Variants in DLEC1 observed in about 807,000 individuals in gnomAD.
DLEC1 encodes deleted in lung and esophageal cancer protein 1.
DLEC1 carries 146 observed loss-of-function variants against 198.1 expected under a neutral mutation model. The ratio of observed to expected loss-of-function variants is 0.74; its 90% CI spans 0.64 to 0.85. DLEC1 has a LOEUF of 0.85. DLEC1 is among the 40% of genes least tolerant of loss of function. The pLI is 0.00. For synonymous variants in DLEC1, 897 were observed against 866.8 expected, an observed-to-expected ratio of 1.03 and a Z score of -0.61; for missense variants, 2,233 against 2,220.0, an observed-to-expected ratio of 1.01 and a Z score of -0.12.
intron 30 of DLEC1, 32 bp downstream of exon 30, chr3:38,117,132 A>T: frequency 6.2e-7 from 1 of 1,613,886 alleles, no homozygotes; most frequent in Non-Finnish European, 8.5e-7. Flanking sequence ...TGGGGGCCGC[A>T]GCCACTGCTC....
intron 1 of DLEC1, among the ~76,000 whole-genome samples, chr3:38,039,976 C>T (rs549996789): frequency 3.3e-5 from 5 of 152,336 alleles, no homozygotes; most frequent in African/African-American, 1.2e-4. Context: ...AAAAGTCACC[C>T]GGCTTTGGGG....
chr3:38,081,601 C>T (rs1698001585), intron 6 of DLEC1, among the ~76,000 whole-genome samples: 1 of 105,556 alleles, frequency 9.5e-6, no homozygotes, highest in Non-Finnish European at 1.9e-5. Flanking sequence ...GACGGGGCGG[C>T]TGGCCGGGCG....
intron 12 of DLEC1, 29 bp downstream of exon 12, chr3:38,093,796 C>T: frequency 1.2e-6 from 2 of 1,609,624 alleles, no homozygotes; most frequent in Non-Finnish European, 1.7e-6. Context: ...TGCCCCAATA[C>T]CCAACCCTTC....
At chr3:38,084,330 A>AGGTGG (rs1698241248) in intron 7 of DLEC1, 85 bp downstream of exon 7, 3 of 983,030 alleles carry the variant, frequency 3.1e-6, no homozygotes, top group Non-Finnish European at 4.2e-6. Context: ...GGTGGTAGTA[A>AGGTGG]TGGTAGCAAT....
intron 2 of DLEC1, among the ~76,000 whole-genome samples, chr3:38,058,921 C>T (rs1007567794): frequency 5.3e-5 from 8 of 152,148 alleles, no homozygotes; most frequent in African/African-American, 1.9e-4. Flanking sequence ...TTCCACCTCA[C>T]CTCTCCCAAC....
At chr3:38,068,042 T>C (rs1037431373) in intron 6 of DLEC1, among the ~76,000 whole-genome samples, 1 of 151,076 alleles carries the variant, frequency 6.6e-6, no homozygotes, top group African/African-American at 2.4e-5. Context: ...GCGTGAGCCA[T>C]TGTACCTGGC....
intron 1 of DLEC1, among the ~76,000 whole-genome samples, chr3:38,041,588 C>A (rs142859074): frequency 6.6e-6 from 1 of 151,390 alleles, no homozygotes; most frequent in African/African-American, 2.4e-5. Flanking sequence ...GTGGCTCACG[C>A]CTATAATCCC....
intron 2 of DLEC1, among the ~76,000 whole-genome samples, chr3:38,053,206 G>A (rs1365124151): frequency 5.3e-5 from 8 of 150,952 alleles, no homozygotes; most frequent in African/African-American, 7.3e-5. Context: ...TCTGCCCAGC[G>A]GCCACCCCAT....
At chr3:38,117,423 G>A in intron 31 of DLEC1, 104 bp from the exon 32 acceptor site, 1 of 1,600,076 alleles carries the variant, frequency 6.2e-7, no homozygotes, top group Non-Finnish European at 8.6e-7. Flanking sequence ...GAAGTCAGCA[G>A]AGGAGCCCAG....
chr3:38,064,538 C>T (rs879544945), intron 6 of DLEC1, among the ~76,000 whole-genome samples: 9 of 152,178 alleles, frequency 5.9e-5, no homozygotes, highest in South Asian at 2.1e-4. Flanking sequence ...ACCTCCCAGA[C>T]GGGGTGGCGG....
intron 9 of DLEC1, among the ~76,000 whole-genome samples, chr3:38,088,067 G>A (rs996736963): frequency 6.6e-6 from 1 of 152,202 alleles, no homozygotes; most frequent in Non-Finnish European, 1.5e-5. Flanking sequence ...CTTCACAGAT[G>A]TTCTAAGACT....
At chr3:38,104,631 T>C (rs2125711642) in intron 19 of DLEC1, among the ~76,000 whole-genome samples, 1 of 152,314 alleles carries the variant, frequency 6.6e-6, no homozygotes, top group Middle Eastern at 3.4e-3. Flanking sequence ...AGTAGTGATG[T>C]CCCCACTTTC....
At chr3:38,092,033 AGTGAT>A (rs1364402848) in intron 10 of DLEC1, among the ~76,000 whole-genome samples, 1 of 152,250 alleles carries the variant, frequency 6.6e-6, no homozygotes, top group Non-Finnish European at 1.5e-5. Context: ...GCTGGAGTGC[AGTGAT>A]GTGATCATTG....
At chr3:38,081,531 G>A (rs1401831746) in intron 6 of DLEC1, among the ~76,000 whole-genome samples, 5 of 98,896 alleles carry the variant, frequency 5.1e-5, no homozygotes, top group South Asian at 5.9e-4. Context: ...GGGCAGAGGC[G>A]CCCCTCACCT....
chr3:38,084,472 TGG>T, intron 7 of DLEC1, among the ~76,000 whole-genome samples: 1 of 150,326 alleles, frequency 6.7e-6, no homozygotes. Flanking sequence ...ATAGTAGTGG[TGG>T]TGGTGGTAGT....
At chr3:38,106,995 T>G (rs977867599) in intron 19 of DLEC1, among the ~76,000 whole-genome samples, 5 of 152,080 alleles carry the variant, frequency 3.3e-5, no homozygotes, top group African/African-American at 1.2e-4. Context: ...AGAGTTGAGG[T>G]TGCAGGACAA....
intron 6 of DLEC1, among the ~76,000 whole-genome samples, chr3:38,083,133 T>A (rs1373427827): frequency 1.3e-5 from 2 of 151,620 alleles, no homozygotes; most frequent in Non-Finnish European, 2.9e-5. Context: ...TGGTGAGATG[T>A]TTCTTGGGCT....
At chr3:38,064,865 G>A (rs1224223423) in intron 6 of DLEC1, among the ~76,000 whole-genome samples, 6 of 151,556 alleles carry the variant, frequency 4.0e-5, no homozygotes, top group Non-Finnish European at 8.8e-5. Context: ...CTGGGCGGCC[G>A]GGCAGAGGGG....
intron 21 of DLEC1, 54 bp downstream of exon 21, chr3:38,108,569 A>G: frequency 7.0e-7 from 1 of 1,433,688 alleles, no homozygotes; most frequent in Non-Finnish European, 9.8e-7. Context: ...TGCCAACCAT[A>G]CGCACCTGTG....
Sources: allele counts gnomAD v4.1 joint callset (sites outside exome capture counted in the v4.1 genomes callset), GRCh38; gene constraint gnomAD v4.1.1; transcripts MANE v1.5; gene names NCBI Gene and HGNC (gene_info 2026-07-23, HGNC 2026-07-21).